Variants in SDK1 observed in about 807,000 individuals in gnomAD.
SDK1 encodes sidekick cell adhesion molecule 1, also known as protein sidekick-1.
A neutral mutation model predicts 245.5 loss-of-function variants in SDK1; 157 were observed. The ratio of observed to expected loss-of-function variants is 0.64; its 90% CI spans 0.56 to 0.73. SDK1 has a LOEUF of 0.73. Among genes scored for constraint, SDK1 ranks in the 30% least tolerant of loss-of-function variants. The pLI is 0.00. For missense variants in SDK1, 3,583 were observed against 3,002.3 expected (o/e 1.19, Z -4.52); for synonymous variants, 1,647 against 1,278.5 (o/e 1.29, Z -6.15).
chr7:3,359,086 C>G (rs1780884799), intron 1 of SDK1, among the ~76,000 whole-genome samples: 2 of 152,180 alleles, frequency 1.3e-5, no homozygotes, highest in African/African-American at 4.8e-5. Context: ...CTTGGAGACA[C>G]AGCGTTAGTT....
intron 5 of SDK1, among the ~76,000 whole-genome samples, chr7:3,893,528 C>A (rs531933497): frequency 2.6e-5 from 4 of 151,974 alleles, no homozygotes; most frequent in African/African-American, 9.7e-5. Context: ...TCTGGGTCAT[C>A]CCGTATTTCT....
At chr7:3,487,773 A>AAG (rs1295016173) in intron 1 of SDK1, among the ~76,000 whole-genome samples, 10 of 151,192 alleles carry the variant, frequency 6.6e-5, no homozygotes, top group Non-Finnish European at 1.5e-4. Flanking sequence ...AAAAAAAAAA[A>AAG]AAAGAAAAGG....
Position 3,958,965 on chromosome 7 carries a change from G to A in SDK1, c.1185G>A (p.Arg395=), listed in dbSNP as rs1781468031. The change falls in exon 8 of 45, where the codon CGG becomes CGA. Residue 395 remains arginine, a synonymous_variant. Transcript: ENST00000404826. Reference sequence around the variant, plus strand: ...ATTTTACTGCTGAGCCCGAGAGTCGGATTTCAGCTGAAGTAGAAGAAACTG... The same window carrying A: ...ATTTTACTGCTGAGCCCGAGAGTCGAATTTCAGCTGAAGTAGAAGAAACTG... ...PPYFTAEPES[R]ISAEVEETVD... 1.2e-6 allele frequency: 2 copies of A among 1,613,966 alleles called. No homozygotes were observed.
chr7:3,417,476 T>C (rs1271741542), intron 1 of SDK1, among the ~76,000 whole-genome samples: 1 of 152,166 alleles, frequency 6.6e-6, no homozygotes, highest in East Asian at 1.9e-4. Context: ...TACTTGCTGC[T>C]TTTATGGTCA....
chr7:3,828,461 G>A (rs1331763780), intron 5 of SDK1, among the ~76,000 whole-genome samples: 1 of 151,688 alleles, frequency 6.6e-6, no homozygotes, highest in Non-Finnish European at 1.5e-5. Flanking sequence ...TATTCCTCAT[G>A]TCATTGAGAG....
intron 1 of SDK1, among the ~76,000 whole-genome samples, chr7:3,543,086 C>A (rs1384172288): frequency 2.0e-5 from 3 of 152,206 alleles, no homozygotes; most frequent in African/African-American, 7.2e-5. Context: ...ATTTGTATTT[C>A]AAATTTTCCT....
At chr7:4,055,740 T>C (rs1779154568) in intron 19 of SDK1, among the ~76,000 whole-genome samples, 1 of 152,132 alleles carries the variant, frequency 6.6e-6, no homozygotes, top group Admixed American at 6.5e-5. Context: ...GTTGAAGACC[T>C]TTCCTTGTTT....
intron 35 of SDK1, among the ~76,000 whole-genome samples, chr7:4,201,259 C>T (rs1398907571): frequency 6.6e-6 from 1 of 152,186 alleles, no homozygotes; most frequent in Non-Finnish European, 1.5e-5. Flanking sequence ...ATTGAGAAGG[C>T]CTCCCGAGCT....
intron 1 of SDK1, among the ~76,000 whole-genome samples, chr7:3,509,498 A>G (rs572557467): frequency 2.0e-5 from 3 of 152,324 alleles, no homozygotes; most frequent in African/African-American, 7.2e-5. Context: ...GATAATTGCT[A>G]TGTAGGGGCT....
intron 35 of SDK1, among the ~76,000 whole-genome samples, chr7:4,180,333 C>T (rs1329365030): frequency 6.6e-6 from 1 of 150,694 alleles, no homozygotes; most frequent in Non-Finnish European, 1.5e-5. Context: ...GTGCCCGGCT[C>T]CAGCTCTATG....
chr7:3,349,848 C>T (rs1013712192), intron 1 of SDK1, among the ~76,000 whole-genome samples: 3 of 152,088 alleles, frequency 2.0e-5, no homozygotes, highest in Admixed American at 6.6e-5. Flanking sequence ...ATTATCTGCC[C>T]GCCTCGGCCT....
At chr7:3,456,458 G>T (rs1780670580) in intron 1 of SDK1, among the ~76,000 whole-genome samples, 1 of 152,006 alleles carries the variant, frequency 6.6e-6, no homozygotes, top group African/African-American at 2.4e-5. Context: ...CTATCTTCAA[G>T]TTCACTGATT....
rs1781353458 is a variant in SDK1 at position 3,376,288 on chromosome 7, T to C, written c.298+74404T>C. Among the ~76,000 whole-genome samples the C allele has an allele frequency of 3.9e-5, 6 of 152,232 alleles. No homozygotes were observed. The South Asian group carries it at 1.0e-3, about 26-fold the overall frequency. On this transcript the variant is annotated intron_variant, in intron 1 of 44. Coordinates refer to ENST00000404826, the MANE Select transcript of SDK1 (RefSeq NM_152744.4). ...TATAAGCCTGAAAAATTTTAAACTT[T>C]TGGGGTGGAGAAGGATTTCCTAACT...
intron 13 of SDK1, among the ~76,000 whole-genome samples, chr7:3,978,952 C>T (rs1020444472): frequency 6.6e-6 from 1 of 152,288 alleles, no homozygotes; most frequent in East Asian, 1.9e-4. Context: ...CCTCTTCTCA[C>T]GTCTGTTTGC....
chr7:4,118,606 T>TGGCTCACTGCAACCTCTGC (rs1554347672), intron 25 of SDK1, among the ~76,000 whole-genome samples: 8 of 150,520 alleles, frequency 5.3e-5, no homozygotes, highest in Non-Finnish European at 7.4e-5. Context: ...AAAACATATG[T>TGGCTCACTGCAACCTCTGC]CTACACAAAA....
intron 1 of SDK1, among the ~76,000 whole-genome samples, chr7:3,323,773 G>A (rs1381094772): frequency 6.6e-6 from 1 of 152,216 alleles, no homozygotes; most frequent in East Asian, 1.9e-4. Context: ...ATATGACATT[G>A]TCACAGAAGT....
intron 22 of SDK1, among the ~76,000 whole-genome samples, chr7:4,087,533 C>G (rs1781505020): frequency 6.6e-6 from 1 of 152,064 alleles, no homozygotes; most frequent in African/African-American, 2.4e-5. Context: ...TTCCCGGCCA[C>G]TCTTGTGGAC....
At chr7:3,978,656 A>T (rs1210120366) in intron 13 of SDK1, among the ~76,000 whole-genome samples, 1 of 152,198 alleles carries the variant, frequency 6.6e-6, no homozygotes, top group African/African-American at 2.4e-5. Flanking sequence ...AATGATAATA[A>T]TAATAACCCG....
chr7:4,049,947 T>G (rs930584979), intron 18 of SDK1, among the ~76,000 whole-genome samples: 2 of 152,192 alleles, frequency 1.3e-5, no homozygotes, highest in Admixed American at 6.5e-5. Flanking sequence ...CCATACTGAA[T>G]TAGACACATA....
Sources: allele counts gnomAD v4.1 joint callset (sites outside exome capture counted in the v4.1 genomes callset), GRCh38; gene constraint gnomAD v4.1.1; transcripts MANE v1.5; gene names NCBI Gene and HGNC (gene_info 2026-07-23, HGNC 2026-07-21).